Variants in MAGI3 observed in about 807,000 individuals in gnomAD.
MAGI3 encodes the protein membrane-associated guanylate kinase, WW and PDZ domain-containing protein 3.
Under a neutral mutation model 121.8 loss-of-function variants are expected in MAGI3, and 43 were observed. That is an observed-to-expected ratio of 0.35 (90% CI 0.28 to 0.46). MAGI3 has a LOEUF of 0.46. Among genes scored for constraint, MAGI3 ranks in the 20% least tolerant of loss-of-function variants. MAGI3 has a pLI of 1.00. For missense variants in MAGI3, 1,547 were observed against 1,797.3 expected (o/e 0.86, Z 2.52); for synonymous variants, 553 against 639.3 (o/e 0.86, Z 2.04).
rs1286406967 is a variant in MAGI3, at chr1:113,642,529, A to C, written c.1966+13A>C. 2 of 1,594,474 alleles carry C rather than the reference A, an allele frequency of 1.3e-6. No individual in the cohort carries two copies. The highest frequency in any genetic ancestry group is 2.3e-5 in the South Asian group (2 of 88,154). On this transcript the variant is annotated intron_variant, in intron 10 of 20. Transcript: ENST00000307546. ...ATCTTAAGAGGAGGTAAGTAAAAGC[A>C]CAACATAGAAAAAGTTTCAGTGTTC...
intron 1 of MAGI3, among the ~76,000 whole-genome samples, chr1:113,439,027 G>T (rs1464767188): frequency 6.6e-6 from 1 of 152,046 alleles, no homozygotes; most frequent in Non-Finnish European, 1.5e-5. Context: ...CACTATTCTT[G>T]AGCTTTGGGG....
At chr1:113,616,666 A>T (rs1182895542) in intron 7 of MAGI3, among the ~76,000 whole-genome samples, 1 of 152,228 alleles carries the variant, frequency 6.6e-6, no homozygotes, top group Non-Finnish European at 1.5e-5. Flanking sequence ...ATAAATATGC[A>T]TAAGCTATAA....
At chr1:113,650,352 A>G (rs1653088355) in intron 13 of MAGI3, among the ~76,000 whole-genome samples, 1 of 152,188 alleles carries the variant, frequency 6.6e-6, no homozygotes, top group Non-Finnish European at 1.5e-5. Flanking sequence ...AATTTGTCTC[A>G]AACAACTTAG....
At chr1:113,682,703 C>G in intron 20 of MAGI3, 194 bp from the exon 21 acceptor site, 1 of 979,398 alleles carries the variant, frequency 1.0e-6, no homozygotes, top group Non-Finnish European at 1.2e-6. Flanking sequence ...AACAACCCAT[C>G]CTTCATGTAT....
chr1:113,506,784 G>A (rs1450609713), intron 1 of MAGI3, among the ~76,000 whole-genome samples: 2 of 152,124 alleles, frequency 1.3e-5, no homozygotes, highest in Non-Finnish European at 2.9e-5. Context: ...CAGAAAGAGG[G>A]TGCTTTTAAA....
At chr1:113,476,554 A>C (rs1655830700) in intron 1 of MAGI3, among the ~76,000 whole-genome samples, 1 of 152,160 alleles carries the variant, frequency 6.6e-6, no homozygotes, top group Non-Finnish European at 1.5e-5. Flanking sequence ...CTTAATCCTG[A>C]GTTCTAATTT....
At chr1:113,408,272 A>T (rs1259322903) in intron 1 of MAGI3, among the ~76,000 whole-genome samples, 4 of 152,190 alleles carry the variant, frequency 2.6e-5, no homozygotes, top group African/African-American at 9.6e-5. Flanking sequence ...TATTCAATCT[A>T]GGCAAAACTT....
At chr1:113,646,351 A>C in intron 11 of MAGI3, 135 bp from the exon 12 acceptor site, 1 of 615,086 alleles carries the variant, frequency 1.6e-6, no homozygotes, top group Non-Finnish European at 2.7e-6. Flanking sequence ...CTGTAACTGT[A>C]AATCTGCTGT....
chr1:113,592,035 A>G (rs1404379389), intron 5 of MAGI3, among the ~76,000 whole-genome samples: 5 of 152,180 alleles, frequency 3.3e-5, no homozygotes, highest in East Asian at 1.9e-4. Flanking sequence ...CTTTTTAGAT[A>G]TAACACCAAA....
chr1:113,582,555 G>A (rs1295360960), intron 3 of MAGI3, among the ~76,000 whole-genome samples: 3 of 151,876 alleles, frequency 2.0e-5, no homozygotes, highest in Non-Finnish European at 2.9e-5. Flanking sequence ...AAAAGGATAT[G>A]TACATTATAC....
chr1:113,492,298 G>C (rs185170612), intron 1 of MAGI3, among the ~76,000 whole-genome samples: 1 of 152,014 alleles, frequency 6.6e-6, no homozygotes, highest in Non-Finnish European at 1.5e-5. Flanking sequence ...TGCACAAAAG[G>C]CTCTCAATAA....
chr1:113,407,035 G>T (rs1012963237), intron 1 of MAGI3, among the ~76,000 whole-genome samples: 1 of 152,162 alleles, frequency 6.6e-6, no homozygotes, highest in African/African-American at 2.4e-5. Context: ...CCAACTAAAT[G>T]AGGGGTGAAA....
intron 1 of MAGI3, among the ~76,000 whole-genome samples, chr1:113,489,765 G>T (rs1557784789): frequency 6.6e-6 from 1 of 151,890 alleles, no homozygotes; most frequent in African/African-American, 2.4e-5. Context: ...ATTAATAGCA[G>T]AATAGACCAA....
chr1:113,632,296 T>G (rs1056501406), intron 9 of MAGI3, among the ~76,000 whole-genome samples: 3 of 152,238 alleles, frequency 2.0e-5, no homozygotes, highest in Non-Finnish European at 4.4e-5. Context: ...ATGAAACACA[T>G]GTCTTAGCTA....
In MAGI3 at chr1:113,665,738, GTTC is replaced by G. The variant is rs547809865; in HGVS notation, c.2816-5993_2816-5991del. On this transcript the variant is annotated intron_variant, in intron 16 of 20. Coordinates refer to ENST00000307546, the MANE Select transcript of MAGI3 (RefSeq NM_001142782.2). The stretch of plus-strand genomic sequence containing the variant: ...GAGTTCTAGTATGTTCTCTCATAGG[GTTC>G]TTATTTACTCTTGGTAAGGTGAGTC... Among the ~76,000 whole-genome samples the G allele has an allele frequency of 7.2e-5, 11 of 152,058 alleles. 1 individual carries two copies. In the South Asian group the frequency reaches 2.3e-3, roughly 32 times the overall value.
intron 5 of MAGI3, among the ~76,000 whole-genome samples, chr1:113,592,988 T>TG (rs1440422517): frequency 3.3e-5 from 5 of 152,136 alleles, no homozygotes; most frequent in African/African-American, 1.2e-4. Context: ...CTCCAGCCTC[T>TG]GTGACAGAGT....
chr1:113,602,386 A>C (rs1222014819), intron 6 of MAGI3, among the ~76,000 whole-genome samples: 2 of 152,196 alleles, frequency 1.3e-5, no homozygotes, highest in African/African-American at 2.4e-5. Flanking sequence ...GAACAAAATC[A>C]AGATGGAAGT....
rs938810122 is a variant in MAGI3 at position 113,548,157 on chromosome 1, T to C, written c.317-1358T>C. Among the ~76,000 whole-genome samples the C allele has an allele frequency of 9.9e-5, 15 of 152,260 alleles. No homozygotes were observed. In the East Asian group the frequency reaches 2.9e-3, roughly 29 times the overall value. Reference sequence around the variant, plus strand: ...TTGGTTTATCTAAGCTTGTCATAAGTGCGTTGCTCTAAATAAAAGAGTATA... The same window carrying C: ...TTGGTTTATCTAAGCTTGTCATAAGCGCGTTGCTCTAAATAAAAGAGTATA... On this transcript the variant is annotated intron_variant, in intron 1 of 20. Transcript: ENST00000307546.
intron 16 of MAGI3, 86 bp from the exon 17 acceptor site, chr1:113,671,648 T>C: frequency 8.1e-7 from 1 of 1,230,606 alleles, no homozygotes; most frequent in Non-Finnish European, 1.2e-6. Flanking sequence ...AATAGCCATC[T>C]GTTATTGTCT....
Sources: allele counts gnomAD v4.1 joint callset (sites outside exome capture counted in the v4.1 genomes callset), GRCh38; gene constraint gnomAD v4.1.1; transcripts MANE v1.5; gene names NCBI Gene and HGNC (gene_info 2026-07-23, HGNC 2026-07-21).